ZNF141: variants seen among roughly 807,000 people sequenced by gnomAD.
The protein encoded by ZNF141 is zinc finger protein 141.
In ZNF141, 7 loss-of-function variants were observed where a neutral mutation model predicts 11.3. The observed-to-expected ratio is 0.62, with a 90% CI of 0.35 to 1.16. The LOEUF (loss-of-function observed/expected upper bound fraction) is 1.16, where lower values mean the gene tolerates loss of function less well. ZNF141 is among the 50% of genes most tolerant of loss of function. The probability of loss-of-function intolerance (pLI) is 0.02; values close to 1 mark genes in which losing one functional copy is unlikely to be tolerated. For synonymous variants in ZNF141, 183 were observed against 190.7 expected, an observed-to-expected ratio of 0.96 and a Z score of 0.33; for missense variants, 535 against 554.0, an observed-to-expected ratio of 0.97 and a Z score of 0.34.
intron 3 of ZNF141, among the ~76,000 whole-genome samples, chr4:347,991 C>T (rs922651713): frequency 6.6e-5 from 10 of 151,810 alleles, no homozygotes; most frequent in African/African-American, 1.7e-4. Context: ...ATTACAGGCA[C>T]GTGCCACCAT....
At chr4:372,536 G>T in intron 3 of ZNF141, 128 bp from the exon 4 acceptor site, 1 of 777,478 alleles carries the variant, frequency 1.3e-6, no homozygotes, top group South Asian at 3.0e-5. Flanking sequence ...TGTCTGTGAA[G>T]AAGTTATGGC....
At chr4:341,383 TTA>T (rs1721043731) in intron 1 of ZNF141, among the ~76,000 whole-genome samples, 1 of 152,170 alleles carries the variant, frequency 6.6e-6, no homozygotes, top group Non-Finnish European at 1.5e-5. Flanking sequence ...TTTGATGCCA[TTA>T]TGTGAATGGC....
chr4:344,414 C>A lies in ZNF141; in HGVS notation c.210C>A (p.Ile70=), dbSNP rs75942616. ...CCTACAATGTGAAGATACATAAGAT[C>A]GTAGCCAGACCCCCAGGTAGGTGAG... The part of the protein sequence containing the change: ...KEPYNVKIHK[I]VARPPAMCSH... The change falls in exon 3 of 4, where the codon ATC becomes ATA. Residue 70 remains isoleucine (I), a synonymous_variant. Coordinates refer to ENST00000240499, the MANE Select transcript of ZNF141 (RefSeq NM_003441.4). The A allele has an allele frequency of 7.5e-6, 12 of 1,606,102 alleles. No individual in the cohort carries two copies. The highest frequency in any genetic ancestry group is 1.7e-5 in the Admixed American group (1 of 59,756).
At chr4:357,011 G>A (rs1200416238) in intron 3 of ZNF141, among the ~76,000 whole-genome samples, 1 of 151,998 alleles carries the variant, frequency 6.6e-6, no homozygotes, top group Non-Finnish European at 1.5e-5. Context: ...CTATAGTTCA[G>A]TGGTGCATTC....
Position 375,686 on chromosome 4 carries a change from GA to G in ZNF141, c.*1830del, listed in dbSNP as rs572696048. Reference sequence around the variant, plus strand: ...ACATTTAAAGTATATTTTTTCACTTGAAAAAAGTATAGATTTTTTGAAAAGC... The same window carrying G: ...ACATTTAAAGTATATTTTTTCACTTGAAAAAGTATAGATTTTTTGAAAAGC... On this transcript the variant is annotated 3_prime_UTR_variant, in exon 4 of 4. Transcript: ENST00000240499. 3.0e-3 allele frequency among the ~76,000 whole-genome samples: 450 copies of G among 152,056 alleles called. 2 individuals carry two copies. Among genetic ancestry groups the G allele is most frequent in the Non-Finnish European group, 5.2e-3 (352 of 67,882 alleles).
At chr4:340,699 A>C (rs1213626974) in intron 1 of ZNF141, among the ~76,000 whole-genome samples, 1 of 152,246 alleles carries the variant, frequency 6.6e-6, no homozygotes, top group Non-Finnish European at 1.5e-5. Context: ...ATGAGACCAC[A>C]GTCCTACCGT....
At position 374,284 on chromosome 4, in the gene ZNF141, A is replaced by T; in HGVS notation, c.*422A>T. 3.4e-6 allele frequency: 1 copy of T among 295,514 alleles called. No homozygotes were observed. The highest frequency in any genetic ancestry group is 6.8e-6 in the Non-Finnish European group (1 of 147,796). 18.3% of individuals were successfully genotyped at this position (295,514 alleles called of 1,614,324 possible). ...TAAATATAATTCATGCTGGAGAGAAACTTCACATGTGAACCGTGTGGCAAA... is the reference window on the plus strand; with the variant it reads ...TAAATATAATTCATGCTGGAGAGAATCTTCACATGTGAACCGTGTGGCAAA... On this transcript the variant is annotated 3_prime_UTR_variant, in exon 4 of 4. Transcript: ENST00000240499.
At chr4:366,713 C>T (rs975372297) in intron 3 of ZNF141, among the ~76,000 whole-genome samples, 4 of 152,002 alleles carry the variant, frequency 2.6e-5, no homozygotes, top group Non-Finnish European at 4.4e-5. Context: ...CCTGCTTTGT[C>T]GCTCAGACTG....
chr4:362,824 T>C (rs1231418831), intron 3 of ZNF141, among the ~76,000 whole-genome samples: 1 of 152,216 alleles, frequency 6.6e-6, no homozygotes, highest in Non-Finnish European at 1.5e-5. Context: ...TGCCTCCAGC[T>C]TTGTTCTTTT....
Position 346,982 on chromosome 4 carries a change from T to A in ZNF141, c.226+2552T>A, listed in dbSNP as rs1048488180. On this transcript the variant is annotated intron_variant, in intron 3 of 3. Transcript: ENST00000240499. ...TCTTTGAGGTACTAATTTTATTTCC[T>A]TTGGTAGTATGCCCAGAAGTGGTAT... 5.9e-5 allele frequency among the ~76,000 whole-genome samples: 9 copies of A among 151,748 alleles called. No individual in the cohort carries two copies. The East Asian group carries it at 9.6e-4, about 16-fold the overall frequency.
intron 3 of ZNF141, among the ~76,000 whole-genome samples, chr4:371,818 G>A (rs1481207010): frequency 6.6e-6 from 1 of 152,158 alleles, no homozygotes; most frequent in Admixed American, 6.5e-5. Context: ...GGGATTACAG[G>A]TGTGAGCCAC....
At chr4:364,282 G>A (rs1214648730) in intron 3 of ZNF141, among the ~76,000 whole-genome samples, 1 of 152,108 alleles carries the variant, frequency 6.6e-6, no homozygotes, top group Non-Finnish European at 1.5e-5. Context: ...GCTCTTCTTT[G>A]TACCTCTGGT....
At chr4:343,411 C>T (rs1377118358) in intron 1 of ZNF141, among the ~76,000 whole-genome samples, 1 of 152,184 alleles carries the variant, frequency 6.6e-6, no homozygotes, top group Non-Finnish European at 1.5e-5. Flanking sequence ...CAACTCATTT[C>T]ACCTGTAGTC....
rs34905613 is a variant in ZNF141 at position 381,946 on chromosome 4, C to CTTTTTTTTTTTT, written c.*8092_*8103dup. Among the ~76,000 whole-genome samples the CTTTTTTTTTTTT allele has an allele frequency of 2.1e-3, 218 of 105,908 alleles. 12 individuals carry two copies. Among genetic ancestry groups the CTTTTTTTTTTTT allele is most frequent in the African/African-American group, 6.5e-3 (146 of 22,434 alleles). The allele number at this position is 105,908 out of a possible 152,430, so 69.5% of individuals were successfully genotyped here. ...CTAGGGCCACCACCATCTCTGGGAA[C>CTTTTTTTTTTTT]TTTTTTTTTTTTTTTTTTTGAGACG... On this transcript the variant is annotated 3_prime_UTR_variant, in exon 4 of 4. Transcript: ENST00000240499.
Position 373,422 on chromosome 4 carries a change from C to A in ZNF141, c.985C>A (p.His329Asn). The A allele has an allele frequency of 6.2e-7, 1 of 1,614,042 alleles. No homozygotes were observed. Among genetic ancestry groups the A allele is most frequent in the South Asian group, 1.1e-5 (1 of 91,080 alleles). ...TAATAGGTCCACAACCCTTACTAAA[C>A]ATAAGAGAATTCATACTGGAGAGAA... ...AFNRSTTLTK[H>N]KRIHTGEKPY... The change falls in exon 4 of 4, where the codon CAT (histidine) becomes AAT (asparagine). Residue 329 changes from histidine (H) to asparagine (N), a missense_variant. Coordinates refer to ENST00000240499, the MANE Select transcript of ZNF141 (RefSeq NM_003441.4).
In ZNF141 at chr4:376,151, C is replaced by A. The variant is rs1192870122; in HGVS notation, c.*2289C>A. On this transcript the variant is annotated 3_prime_UTR_variant, in exon 4 of 4. Transcript: ENST00000240499. ...CTTGAATGAAGTGTCATTATGCCAC[C>A]AACTTAAACCTATCCCACCTTACTC... 6.6e-6 allele frequency among the ~76,000 whole-genome samples: 1 copy of A among 151,882 alleles called. No individual in the cohort carries two copies. The highest frequency in any genetic ancestry group is 1.9e-4 in the East Asian group (1 of 5,196).
chr4:369,484 C>T (rs76858807), intron 3 of ZNF141, among the ~76,000 whole-genome samples: 3,665 of 151,844 alleles, frequency 0.024, 63 homozygotes, highest in South Asian at 0.031. Context: ...TTTTTGCAAT[C>T]AGTCCCTTTA....
At chr4:344,725 CG>C (rs1560181473) in intron 3 of ZNF141, among the ~76,000 whole-genome samples, 1 of 152,092 alleles carries the variant, frequency 6.6e-6, no homozygotes, top group African/African-American at 2.4e-5. Context: ...ACCCAGGAGG[CG>C]GAGGTTGCAG....
rs1553847764 is a variant in ZNF141 at position 337,845 on chromosome 4, G to A, written c.-139G>A. On this transcript the variant is annotated 5_prime_UTR_variant, in exon 1 of 4. Transcript: ENST00000240499. ...GCGTCTGGCTACTACCAGACCGCGG[G>A]TTAGGGGCTTCATCTCTCTGCGTTC... is the stretch of plus-strand genomic sequence containing the variant. 1 of 1,177,970 alleles carries A rather than the reference G, an allele frequency of 8.5e-7. No individual in the cohort carries two copies. Among genetic ancestry groups the A allele is most frequent in the Non-Finnish European group, 1.2e-6 (1 of 804,224 alleles). 73.0% of individuals were successfully genotyped at this position (1,177,970 alleles called of 1,614,324 possible).
Sources: allele counts gnomAD v4.1 joint callset (sites outside exome capture counted in the v4.1 genomes callset), GRCh38; gene constraint gnomAD v4.1.1; transcripts MANE v1.5; gene names NCBI Gene and HGNC (gene_info 2026-07-23, HGNC 2026-07-21).